ARB2A: variants seen among roughly 807,000 people sequenced by gnomAD.
The protein encoded by ARB2A is cotranscriptional regulator ARB2A.
the ARB2A span, among the ~76,000 whole-genome samples, chr5:93,858,084 A>G: frequency 3.9e-4 from 60 of 152,360 alleles, no homozygotes; most frequent in African/African-American, 1.4e-3. Context: ...CAAAATCCAG[A>G]GGAAACAAGG....
chr5:93,838,561 G>A, the ARB2A span, among the ~76,000 whole-genome samples: 3 of 151,690 alleles, frequency 2.0e-5, no homozygotes, highest in South Asian at 6.2e-4. Context: ...AAAAAAAAAG[G>A]TTTTCTAATT....
At chr5:94,034,973 C>T in the ARB2A span, among the ~76,000 whole-genome samples, 72 of 152,220 alleles carry the variant, frequency 4.7e-4, no homozygotes, top group African/African-American at 1.6e-3. Context: ...ATCTAACTAA[C>T]GCTTGATGAT....
the ARB2A span, among the ~76,000 whole-genome samples, chr5:93,649,518 A>C: frequency 6.6e-6 from 1 of 152,252 alleles, no homozygotes; most frequent in African/African-American, 2.4e-5. Flanking sequence ...AACAGCTGGA[A>C]ACCAGGAAGG....
At chr5:94,091,976 A>G in the ARB2A span, among the ~76,000 whole-genome samples, 1 of 152,240 alleles carries the variant, frequency 6.6e-6, no homozygotes, top group South Asian at 2.1e-4. Flanking sequence ...AGCTTTCATG[A>G]TTATCTCCAC....
the ARB2A span, among the ~76,000 whole-genome samples, chr5:94,040,038 T>C: frequency 1.3e-5 from 2 of 151,966 alleles, no homozygotes; most frequent in African/African-American, 4.8e-5. Flanking sequence ...CACCTCTTAA[T>C]AAAAGGCAAG....
the ARB2A span, among the ~76,000 whole-genome samples, chr5:93,819,140 C>G: frequency 1.4e-5 from 2 of 138,544 alleles, no homozygotes; most frequent in African/African-American, 2.7e-5. Flanking sequence ...GAGTCGAGAT[C>G]GCGCCACTGC....
chr5:94,015,285 T>C, the ARB2A span, among the ~76,000 whole-genome samples: 9 of 152,110 alleles, frequency 5.9e-5, no homozygotes, highest in Non-Finnish European at 1.3e-4. Context: ...CTAAGCATAC[T>C]GTACCCAGCA....
the ARB2A span, among the ~76,000 whole-genome samples, chr5:93,677,111 A>C: frequency 6.6e-6 from 1 of 152,234 alleles, no homozygotes; most frequent in Non-Finnish European, 1.5e-5. Context: ...AACAACAATG[A>C]AAAGTAAAAC....
the ARB2A span, chr5:93,738,457 GA>G: frequency 6.6e-6 from 1 of 152,124 alleles, no homozygotes; most frequent in African/African-American, 2.4e-5. Context: ...ATACATCCAA[GA>G]GAACTGAAAC....
At chr5:93,634,898 C>G in the ARB2A span, among the ~76,000 whole-genome samples, 2 of 152,078 alleles carry the variant, frequency 1.3e-5, no homozygotes, top group African/African-American at 4.8e-5. Flanking sequence ...TATCAGCCTC[C>G]CGAGTAGCTG....
At chr5:93,744,565 T>C in the ARB2A span, among the ~76,000 whole-genome samples, 1 of 151,390 alleles carries the variant, frequency 6.6e-6, no homozygotes, top group Non-Finnish European at 1.5e-5. Flanking sequence ...CCAATGTGCA[T>C]ATCTCCCAGT....
the ARB2A span, among the ~76,000 whole-genome samples, chr5:93,914,281 T>G: frequency 1.3e-5 from 2 of 151,948 alleles, no homozygotes; most frequent in African/African-American, 2.4e-5. Context: ...GTGAGGTGAA[T>G]AGGAAAACTG....
the ARB2A span, among the ~76,000 whole-genome samples, chr5:93,790,930 G>T: frequency 2.0e-5 from 3 of 152,092 alleles, no homozygotes; most frequent in East Asian, 5.8e-4. Flanking sequence ...TCTTCATAGG[G>T]CTGCTGAAGC....
the ARB2A span, among the ~76,000 whole-genome samples, chr5:94,077,117 G>A: frequency 6.6e-6 from 1 of 152,108 alleles, no homozygotes; most frequent in African/African-American, 2.4e-5. Flanking sequence ...GCTCACGCCT[G>A]TAATCCCAGC....
chr5:93,934,969 C>T, the ARB2A span, among the ~76,000 whole-genome samples: 1 of 152,022 alleles, frequency 6.6e-6, no homozygotes, highest in Admixed American at 6.6e-5. Context: ...AGTGAAGTGA[C>T]TCAGGAATGG....
At chr5:93,958,720 T>C in the ARB2A span, 2 of 1,210,864 alleles carry the variant, frequency 1.7e-6, no homozygotes, top group Admixed American at 2.6e-5. Context: ...CATAAAAACA[T>C]ATAATAAAAC....
At chr5:93,767,704 A>G in the ARB2A span, among the ~76,000 whole-genome samples, 1 of 151,980 alleles carries the variant, frequency 6.6e-6, no homozygotes, top group South Asian at 2.1e-4. Flanking sequence ...CATAAAAAGG[A>G]ATGAATTAGG....
At chr5:94,060,411 T>C in the ARB2A span, among the ~76,000 whole-genome samples, 1 of 151,972 alleles carries the variant, frequency 6.6e-6, no homozygotes, top group South Asian at 2.1e-4. Flanking sequence ...ATTATACAAA[T>C]TAGACGAAAT....
At chr5:93,715,187 A>G in the ARB2A span, among the ~76,000 whole-genome samples, 1 of 152,360 alleles carries the variant, frequency 6.6e-6, no homozygotes, top group East Asian at 1.9e-4. Flanking sequence ...TAATCAAAAG[A>G]GGATTTCAGA....
Sources: allele counts gnomAD v4.1 joint callset (sites outside exome capture counted in the v4.1 genomes callset), GRCh38; gene constraint gnomAD v4.1.1; transcripts MANE v1.5; gene names NCBI Gene and HGNC (gene_info 2026-07-23, HGNC 2026-07-21).